The following VPS4B variants were observed in gnomAD, a reference collection of about 807,000 sequenced individuals.
VPS4B encodes the protein vacuolar protein sorting 4 homolog B.
In VPS4B, 23 loss-of-function variants were observed where a neutral mutation model predicts 56.1. The ratio of observed to expected loss-of-function variants is 0.41; its 90% confidence interval spans 0.30 to 0.58. VPS4B has a LOEUF of 0.58. Among genes scored for constraint, VPS4B ranks in the 20% least tolerant of loss-of-function variants. The pLI is 0.29. For synonymous variants in VPS4B, 177 were observed against 186.0 expected (o/e 0.95, Z 0.39); for missense variants, 372 against 531.9 (o/e 0.70, Z 2.96).
intron 8 of VPS4B, among the ~76,000 whole-genome samples, chr18:63,397,966 G>A (rs1032491536): frequency 6.6e-6 from 1 of 152,106 alleles, no homozygotes; most frequent in Non-Finnish European, 1.5e-5. Context: ...TGGATGGTAA[G>A]CTAGAATGCT....
At chr18:63,412,132 T>C (rs1163840522) in intron 1 of VPS4B, among the ~76,000 whole-genome samples, 1 of 152,186 alleles carries the variant, frequency 6.6e-6, no homozygotes, top group Non-Finnish European at 1.5e-5. Flanking sequence ...GAGAGGTCTT[T>C]TAAATAACAA....
At chr18:63,416,110 C>T (rs544210333) in intron 1 of VPS4B, 40 of 165,482 alleles carry the variant, frequency 2.4e-4, no homozygotes, top group Non-Finnish European at 5.1e-4. Flanking sequence ...CAGTGTGTCG[C>T]TATCATTTCT....
At chr18:63,421,733 AC>A (rs1916306553) in intron 1 of VPS4B, among the ~76,000 whole-genome samples, 1 of 152,176 alleles carries the variant, frequency 6.6e-6, no homozygotes, top group Non-Finnish European at 1.5e-5. Flanking sequence ...AGGAGTGTGC[AC>A]ATAAATTCAA....
chr18:63,393,641 T>C, intron 9 of VPS4B, 92 bp from the exon 10 acceptor site: 1 of 1,182,112 alleles, frequency 8.5e-7, no homozygotes, highest in Non-Finnish European at 1.1e-6. Context: ...TGTATAATAG[T>C]TTTGTATGTT....
chr18:63,391,084 G>C lies in VPS4B; in HGVS notation c.1234-8C>G, dbSNP rs770700072. ...TGACCGCAACATATCCGACTGTCAG[G>C]GAAAAAGAAGGGTAGGGAGGATATT... is the stretch of plus-strand genomic sequence containing the variant. On this transcript the variant is annotated splice_polypyrimidine_tract_variant and splice_region_variant and intron_variant, in intron 10 of 10. Transcript: ENST00000238497. 3.2e-6 allele frequency: 5 copies of C among 1,564,312 alleles called. No homozygotes were observed. The African/African-American group carries it at 6.8e-5, about 21-fold the overall frequency.
At chr18:63,400,749 AT>A in intron 5 of VPS4B, 46 bp from the exon 6 acceptor site, 1 of 1,558,146 alleles carries the variant, frequency 6.4e-7, no homozygotes, top group Non-Finnish European at 8.7e-7. Flanking sequence ...TTAACACTTA[AT>A]TGTATCATCT....
chr18:63,413,041 C>T (rs1177156487), intron 1 of VPS4B, among the ~76,000 whole-genome samples: 39 of 152,012 alleles, frequency 2.6e-4, no homozygotes, highest in Admixed American at 2.5e-3. Flanking sequence ...GAACTAGTAT[C>T]GAGAATACAT....
intron 1 of VPS4B, 71 bp downstream of exon 1, chr18:63,422,162 G>GC (rs921625034): frequency 4.4e-6 from 6 of 1,356,090 alleles, no homozygotes; most frequent in African/African-American, 1.5e-5. Flanking sequence ...CCTTCTCCCC[G>GC]CCCCCCACCC....
Position 63,403,737 on chromosome 18 carries a change from G to C in VPS4B, c.454C>G (p.Leu152Val). 6.2e-7 allele frequency: 1 copy of C among 1,612,208 alleles called. No individual in the cohort carries two copies. The highest frequency in any genetic ancestry group is 8.5e-7 in the Non-Finnish European group (1 of 1,179,034). Residue 152 changes from leucine to valine, a missense_variant, in exon 5 of 11, where the codon CTG becomes GTG. By Grantham distance (32) the Leu-to-Val change is conservative (BLOSUM62 1). Coordinates refer to ENST00000238497, the MANE Select transcript of VPS4B (RefSeq NM_004869.4). ...AAAAGATGAGGAAATTTAATAGGCA[G>C]TATCACAGCCTCTTTCAGTGCTTCT... ...AKEALKEAVI[L>V]PIKFPHLFTG...
chr18:63,401,666 G>A (rs953286387), intron 5 of VPS4B, among the ~76,000 whole-genome samples: 4 of 152,156 alleles, frequency 2.6e-5, no homozygotes, highest in Non-Finnish European at 4.4e-5. Context: ...AAACAGGTGG[G>A]TTACAGCTGG....
intron 10 of VPS4B, among the ~76,000 whole-genome samples, chr18:63,392,688 TCCAC>T (rs1420723981): frequency 6.6e-6 from 1 of 151,386 alleles, no homozygotes; most frequent in Non-Finnish European, 1.5e-5. Context: ...GACCTCATGA[TCCAC>T]CCGCCTCGGC....
intron 4 of VPS4B, among the ~76,000 whole-genome samples, chr18:63,406,661 C>T (rs1294085167): frequency 6.6e-6 from 1 of 152,194 alleles, no homozygotes; most frequent in Non-Finnish European, 1.5e-5. Context: ...ATAAACAGTG[C>T]TACCATTTAT....
chr18:63,390,045 T>C lies in VPS4B; in HGVS notation c.*930A>G, dbSNP rs577104577. The stretch of plus-strand genomic sequence containing the variant: ...TTAATTAAATATAAAAGCTTACCGT[T>C]TTTGTTTTTTTTTGAGACAGAGTTT... On this transcript the variant is annotated 3_prime_UTR_variant, in exon 11 of 11. Coordinates refer to ENST00000238497, the MANE Select transcript of VPS4B (RefSeq NM_004869.4). 10 of 152,728 alleles carry C rather than the reference T, an allele frequency of 6.5e-5. No individual in the cohort carries two copies. The East Asian group carries it at 7.7e-4, about 12-fold the overall frequency. The allele number at this position is 152,728 out of a possible 1,614,324, so 9.5% of individuals were successfully genotyped here. A position where few individuals can be genotyped will look rare whatever the true frequency, so the allele number is the denominator to read the frequency against.
intron 1 of VPS4B, among the ~76,000 whole-genome samples, chr18:63,421,936 C>T (rs1455123563): frequency 7.9e-5 from 12 of 152,194 alleles, no homozygotes; most frequent in East Asian, 7.7e-4. Flanking sequence ...TTTCTTTCTC[C>T]GTTAACCCTG....
In VPS4B at chr18:63,393,496, T is replaced by G; in HGVS notation, c.1146A>C (p.Thr382=). The G allele has an allele frequency of 6.2e-7, 1 of 1,612,706 alleles. No individual in the cohort carries two copies. Among genetic ancestry groups the G allele is most frequent in the Non-Finnish European group, 8.5e-7 (1 of 1,179,376 alleles). The stretch of plus-strand genomic sequence containing the variant: ...CACCAGGGTCACCTGGAGAGCAAGG[T>G]GTTAGCAGATCATCTACAAGATGGT... ...DPNHLVDDLL[T]PCSPGDPGAI... The change falls in exon 10 of 11, where the codon ACA becomes ACC. Residue 382 remains threonine (T), a synonymous_variant. Coordinates refer to ENST00000238497, the MANE Select transcript of VPS4B (RefSeq NM_004869.4).
chr18:63,413,253 G>C (rs924206442), intron 1 of VPS4B, among the ~76,000 whole-genome samples: 1 of 152,178 alleles, frequency 6.6e-6, no homozygotes, highest in African/African-American at 2.4e-5. Context: ...TGGATAAAGG[G>C]AATGCTGGAT....
intron 1 of VPS4B, among the ~76,000 whole-genome samples, chr18:63,414,774 C>T (rs1401165585): frequency 6.6e-6 from 1 of 152,214 alleles, no homozygotes; most frequent in Non-Finnish European, 1.5e-5. Context: ...TAATTTTCTT[C>T]TCAGGTGATT....
chr18:63,404,514 A>G (rs1314225843), intron 4 of VPS4B: 1 of 152,252 alleles, frequency 6.6e-6, no homozygotes, highest in African/African-American at 2.4e-5. Context: ...CTTACAGGGA[A>G]GATTTAGCTT....
intron 1 of VPS4B, among the ~76,000 whole-genome samples, 176 bp from the exon 2 acceptor site, chr18:63,411,754 TCA>T (rs1016240729): frequency 6.6e-6 from 1 of 152,054 alleles, no homozygotes; most frequent in Non-Finnish European, 1.5e-5. Flanking sequence ...TTTTTCTAAC[TCA>T]CAACTGTATT....
Sources: gnomAD v4.1 joint callset for allele counts (sites outside exome capture counted in the v4.1 genomes callset) on GRCh38, gnomAD v4.1.1 for gene constraint, MANE v1.5 for transcripts, NCBI Gene and HGNC (gene_info 2026-07-23, HGNC 2026-07-21) for gene names.